ZNF440: variants seen among roughly 807,000 people sequenced by gnomAD.
ZNF440 encodes the protein zinc finger protein 440.
In ZNF440, 47 loss-of-function variants were observed where a neutral mutation model predicts 49.7. That is an observed-to-expected ratio of 0.95 (90% CI 0.75 to 1.21). ZNF440 has a LOEUF of 1.21. Ranked by LOEUF, ZNF440 falls within the 50% of genes most tolerant of loss-of-function variation. ZNF440 has a pLI of 0.00. For synonymous variants in ZNF440, 255 were observed against 237.7 expected (o/e 1.07, Z -0.67); for missense variants, 703 against 715.0 (o/e 0.98, Z 0.19).
chr19:11,814,612 C>T (rs1268501440), intron 1 of ZNF440, among the ~76,000 whole-genome samples, 162 bp downstream of exon 1: 2 of 152,194 alleles, frequency 1.3e-5, no homozygotes, highest in African/African-American at 4.8e-5. Context: ...GGACCCCGGG[C>T]CTCCTGTCCC....
At chr19:11,814,510 C>G in intron 1 of ZNF440, 60 bp downstream of exon 1, 1 of 1,429,172 alleles carries the variant, frequency 7.0e-7, no homozygotes, top group South Asian at 1.5e-5. Context: ...CGGCCGGAAC[C>G]GGCTGAGGCG....
At chr19:11,826,860 C>T (rs1311997077) in intron 1 of ZNF440, among the ~76,000 whole-genome samples, 1 of 151,852 alleles carries the variant, frequency 6.6e-6, no homozygotes, top group Non-Finnish European at 1.5e-5. Context: ...GACAGAGTTT[C>T]ACTGTGTTGG....
In ZNF440 at chr19:11,831,606, T is replaced by C; in HGVS notation, c.430T>C (p.Cys144Arg). Residue 144 changes from cysteine to arginine, a missense_variant, in exon 4 of 4, where the codon TGT (cysteine) becomes CGT (arginine). Coordinates refer to ENST00000304060, the MANE Select transcript of ZNF440 (RefSeq NM_152357.3). ...YEYQEYGPKP[C>R]KCQQPKKAFR... ...GTATCAGGAATATGGACCAAAGCCA[T>C]GTAAGTGTCAACAACCTAAAAAAGC... The C allele has an allele frequency of 6.2e-7, 1 of 1,614,090 alleles. No individual in the cohort carries two copies. The highest frequency in any genetic ancestry group is 8.5e-7 in the Non-Finnish European group (1 of 1,179,996).
In ZNF440 at chr19:11,832,385, A is replaced by C. The variant is rs752259210; in HGVS notation, c.1209A>C (p.Lys403Asn). The C allele has an allele frequency of 2.5e-6, 4 of 1,613,808 alleles. No homozygotes were observed. The highest frequency in any genetic ancestry group is 1.1e-5 in the South Asian group (1 of 91,068). ...EKPYECKQCG[K>N]AFRSASHLRV... ...CCTATGAGTGTAAGCAATGTGGGAA[A>C]GCCTTCAGATCTGCCTCACACCTTC... The change falls in exon 4 of 4, where the codon AAA (lysine) becomes AAC (asparagine). Residue 403 changes from lysine to asparagine, a missense_variant. By Grantham distance (94) the Lys-to-Asn change is moderately conservative. Coordinates refer to ENST00000304060, the MANE Select transcript of ZNF440 (RefSeq NM_152357.3).
Position 11,831,692 on chromosome 19 carries a change from T to C in ZNF440, c.516T>C (p.Asn172=). 6.2e-7 allele frequency: 1 copy of C among 1,614,134 alleles called. No individual in the cohort carries two copies. Residue 172 remains asparagine, a synonymous_variant, in exon 4 of 4, where the codon AAT becomes AAC. Coordinates refer to ENST00000304060, the MANE Select transcript of ZNF440 (RefSeq NM_152357.3). ...QERDHTGEKP[N]ACKVCGKTFI... ...GGGATCACACTGGAGAGAAACCCAA[T>C]GCTTGTAAAGTATGTGGAAAAACCT...
Position 11,833,583 on chromosome 19 carries a change from C to A in ZNF440, c.*619C>A, listed in dbSNP as rs1030229388. On this transcript the variant is annotated 3_prime_UTR_variant, in exon 4 of 4. Transcript: ENST00000304060. Reference sequence around the variant, plus strand: ...TAGGGAGAAACCCTATCAATGTAAGCAATGTGCAAAAGCCTTTATTTCTTC... The same window carrying A: ...TAGGGAGAAACCCTATCAATGTAAGAAATGTGCAAAAGCCTTTATTTCTTC... The A allele has an allele frequency of 6.6e-6, 2 of 304,040 alleles. No homozygotes were observed. Among genetic ancestry groups the A allele is most frequent in the East Asian group, 1.8e-4 (2 of 11,162 alleles). The allele number at this position is 304,040 out of a possible 1,614,324, so 18.8% of individuals were successfully genotyped here.
intron 1 of ZNF440, among the ~76,000 whole-genome samples, chr19:11,822,156 A>G (rs1975807772): frequency 6.6e-6 from 1 of 152,162 alleles, no homozygotes; most frequent in African/African-American, 2.4e-5. Context: ...GTGGGGTGTA[A>G]GGGTCAGTGG....
Position 11,814,436 on chromosome 19 carries a change from G to A in ZNF440, c.-12G>A. On this transcript the variant is annotated 5_prime_UTR_variant, in exon 1 of 4. Transcript: ENST00000304060. The stretch of plus-strand genomic sequence containing the variant: ...CACGCAGAGGACGCCGGAACACCCT[G>A]GAAGCCGAGAAATGGTGTGTGTGAG... 1 of 1,556,982 alleles carries A rather than the reference G, an allele frequency of 6.4e-7. No homozygotes were observed. Among genetic ancestry groups the A allele is most frequent in the Non-Finnish European group, 8.7e-7 (1 of 1,152,594 alleles).
At position 11,831,703 on chromosome 19, in the gene ZNF440, T is replaced by C. The variant is rs760568774; in HGVS notation, c.527T>C (p.Val176Ala). Residue 176 changes from valine (V) to alanine (A), a missense_variant, in exon 4 of 4, where the codon GTA becomes GCA. By Grantham distance (64) the Val-to-Ala change is moderately conservative. Coordinates refer to ENST00000304060, the MANE Select transcript of ZNF440 (RefSeq NM_152357.3). ...HTGEKPNACKVCGKTFISHSS... is the reference protein window; with the variant it reads ...HTGEKPNACKACGKTFISHSS... ...GGAGAGAAACCCAATGCTTGTAAAG[T>C]ATGTGGAAAAACCTTTATTTCCCAT... The C allele has an allele frequency of 2.2e-5, 35 of 1,613,446 alleles. No individual in the cohort carries two copies. In the East Asian group the frequency reaches 7.8e-4, roughly 36 times the overall value.
At position 11,828,301 on chromosome 19, in the gene ZNF440, C is replaced by T. The variant is rs1482678936; in HGVS notation, c.4-1982C>T. Among the ~76,000 whole-genome samples, 3 of 14,768 alleles carry T rather than the reference C, an allele frequency of 2.0e-4. No homozygotes were observed. In the African/African-American group the frequency reaches 3.0e-3, roughly 15 times the overall value. The allele number at this position is 14,768 out of a possible 152,430, so 9.7% of individuals were successfully genotyped here. A position where few individuals can be genotyped will look rare whatever the true frequency, so the allele number is the denominator to read the frequency against. The stretch of plus-strand genomic sequence containing the variant: ...CTCTGCCTCCCAGATTCAAATGATT[C>T]TCCACGTCCCAGTCAAGTGACTGGG... On this transcript the variant is annotated intron_variant, in intron 1 of 3. Coordinates refer to ENST00000304060, the MANE Select transcript of ZNF440 (RefSeq NM_152357.3).
At chr19:11,819,701 G>T (rs1403726995) in intron 1 of ZNF440, among the ~76,000 whole-genome samples, 1 of 152,188 alleles carries the variant, frequency 6.6e-6, no homozygotes, top group African/African-American at 2.4e-5. Context: ...TGCCTGGCCT[G>T]ACTTACTTGT....
chr19:11,814,437 G>A lies in ZNF440; in HGVS notation c.-11G>A. On this transcript the variant is annotated 5_prime_UTR_variant, in exon 1 of 4. Coordinates refer to ENST00000304060, the MANE Select transcript of ZNF440 (RefSeq NM_152357.3). ...ACGCAGAGGACGCCGGAACACCCTG[G>A]AAGCCGAGAAATGGTGTGTGTGAGG... The A allele has an allele frequency of 6.4e-7, 1 of 1,557,336 alleles. No homozygotes were observed. Among genetic ancestry groups the A allele is most frequent in the African/African-American group, 1.4e-5 (1 of 70,810 alleles).
rs1975994128 is a variant in ZNF440 at position 11,834,473 on chromosome 19, G to A, written c.*1509G>A. On this transcript the variant is annotated 3_prime_UTR_variant, in exon 4 of 4. Transcript: ENST00000304060. Reference sequence around the variant, plus strand: ...GTCATAATACCAATAGTTATCTCATGCACCTCTGAGTGCCTTCTTCCCCAA... The same window carrying A: ...GTCATAATACCAATAGTTATCTCATACACCTCTGAGTGCCTTCTTCCCCAA... The A allele has an allele frequency of 6.6e-6, 1 of 152,064 alleles. No individual in the cohort carries two copies. The highest frequency in any genetic ancestry group is 2.1e-4 in the South Asian group (1 of 4,828). 9.4% of individuals were successfully genotyped at this position (152,064 alleles called of 1,614,324 possible).
In ZNF440 at chr19:11,833,125, T is replaced by C. The variant is rs1975974965; in HGVS notation, c.*161T>C. ...TTTCCTTCACTTCCTTTCGATATCA[T>C]GAAAGGACTCACACTGGAGAGAACC... On this transcript the variant is annotated 3_prime_UTR_variant, in exon 4 of 4. Coordinates refer to ENST00000304060, the MANE Select transcript of ZNF440 (RefSeq NM_152357.3). 1.4e-6 allele frequency: 2 copies of C among 1,411,448 alleles called. No homozygotes were observed. Among genetic ancestry groups the C allele is most frequent in the African/African-American group, 1.4e-5 (1 of 70,522 alleles). The allele number at this position is 1,411,448 out of a possible 1,614,324, so 87.4% of individuals were successfully genotyped here.
Position 11,831,567 on chromosome 19 carries a change from C to A in ZNF440, c.391C>A (p.His131Asn). The change falls in exon 4 of 4, where the codon CAC becomes AAC. Residue 131 changes from histidine (H) to asparagine (N), a missense_variant. By Grantham distance (68) the His-to-Asn change is moderately conservative. Coordinates refer to ENST00000304060, the MANE Select transcript of ZNF440 (RefSeq NM_152357.3). The part of the protein sequence containing the change: ...FNMNIRGDIG[H>N]KAYEYQEYGP... Reference sequence around the variant, plus strand: ...TATGAACATCAGAGGTGACATTGGACACAAGGCATATGAGTATCAGGAATA... The same window carrying A: ...TATGAACATCAGAGGTGACATTGGAAACAAGGCATATGAGTATCAGGAATA... 2 of 1,614,042 alleles carry A rather than the reference C, an allele frequency of 1.2e-6. No homozygotes were observed. The highest frequency in any genetic ancestry group is 1.7e-6 in the Non-Finnish European group (2 of 1,179,992).
chr19:11,815,607 CAATT>C (rs1432660043), intron 1 of ZNF440, among the ~76,000 whole-genome samples: 9 of 151,854 alleles, frequency 5.9e-5, no homozygotes, highest in African/African-American at 1.4e-4. Flanking sequence ...GGTACGTTAA[CAATT>C]AAAGAGTTTA....
chr19:11,831,964 A>T lies in ZNF440; in HGVS notation c.788A>T (p.Lys263Ile). Residue 263 changes from lysine (K) to isoleucine (I), a missense_variant, in exon 4 of 4, where the codon AAA becomes ATA. Physicochemically the swap from Lys to Ile is moderately radical, Grantham distance 102. Transcript: ENST00000304060. ...EKPYEYQECG[K>I]AFHSPRSYRR... ...CCTTATGAATATCAGGAGTGTGGGA[A>T]AGCATTTCATAGTCCCAGATCCTAT... 2 of 1,614,002 alleles carry T rather than the reference A, an allele frequency of 1.2e-6. No individual in the cohort carries two copies. The highest frequency in any genetic ancestry group is 2.2e-5 in the South Asian group (2 of 91,070).
intron 1 of ZNF440, chr19:11,815,940 G>C (rs1420231309): frequency 6.6e-6 from 1 of 152,266 alleles, no homozygotes; most frequent in African/African-American, 2.4e-5. Flanking sequence ...CCCAGTCCTG[G>C]CTTGTGGTTT....
At chr19:11,826,731 T>G (rs1462250727) in intron 1 of ZNF440, among the ~76,000 whole-genome samples, 2 of 151,274 alleles carry the variant, frequency 1.3e-5, no homozygotes, top group Non-Finnish European at 2.9e-5. Flanking sequence ...TGGTGCGATC[T>G]CAGCTCACTG....
Sources: allele counts gnomAD v4.1 joint callset (sites outside exome capture counted in the v4.1 genomes callset), GRCh38; gene constraint gnomAD v4.1.1; transcripts MANE v1.5; gene names NCBI Gene and HGNC (gene_info 2026-07-23, HGNC 2026-07-21).